DAAM2: variants seen among roughly 807,000 people sequenced by gnomAD.
DAAM2 encodes the protein dishevelled associated activator of morphogenesis 2, also known as disheveled-associated activator of morphogenesis 2.
A neutral mutation model predicts 120.7 loss-of-function variants in DAAM2; 39 were observed. The observed-to-expected ratio is 0.32, with a 90% CI of 0.25 to 0.42. DAAM2 has a LOEUF of 0.42. DAAM2 is among the 10% of genes least tolerant of loss of function. The probability of loss-of-function intolerance (pLI) is 1.00; values close to 1 mark genes in which losing one functional copy is unlikely to be tolerated. For missense variants in DAAM2, 1,283 were observed against 1,401.7 expected, an observed-to-expected ratio of 0.92 and a Z score of 1.35; for synonymous variants, 488 against 524.9, an observed-to-expected ratio of 0.93 and a Z score of 0.96.
At chr6:39,794,945 A>G (rs975503706) in intron 1 of DAAM2, among the ~76,000 whole-genome samples, 1 of 152,188 alleles carries the variant, frequency 6.6e-6, no homozygotes, top group African/African-American at 2.4e-5. Flanking sequence ...CCCAGCATAC[A>G]ACTCCTCAGG....
intron 1 of DAAM2, among the ~76,000 whole-genome samples, chr6:39,827,030 C>G (rs9380899): frequency 0.56 from 85,198 of 152,022 alleles, 28,194 homozygotes; most frequent in Non-Finnish European, 0.73. Context: ...TGAATCTTGG[C>G]TAAGATTTTT....
intron 2 of DAAM2, among the ~76,000 whole-genome samples, chr6:39,857,518 A>G (rs1764054260): frequency 6.6e-6 from 1 of 152,192 alleles, no homozygotes; most frequent in South Asian, 2.1e-4. Flanking sequence ...TTTCCTCTGG[A>G]TGGGGCAAGT....
chr6:39,868,014 C>A, intron 6 of DAAM2, 171 bp downstream of exon 6: 1 of 638,482 alleles, frequency 1.6e-6, no homozygotes, highest in Non-Finnish European at 2.7e-6. Context: ...ACCTGGAAGG[C>A]TTGCATAAAA....
chr6:39,887,383 C>A (rs571772970), intron 15 of DAAM2, 103 bp from the exon 16 acceptor site: 50 of 754,742 alleles, frequency 6.6e-5, no homozygotes, highest in African/African-American at 4.4e-4. Context: ...TCCCCTCACA[C>A]CAGGAGCATT....
intron 1 of DAAM2, among the ~76,000 whole-genome samples, chr6:39,809,418 G>A (rs1463559583): frequency 2.6e-5 from 4 of 152,142 alleles, no homozygotes; most frequent in Non-Finnish European, 5.9e-5. Context: ...GCTGCTTATA[G>A]ACCTGGCTAT....
rs1219210918 is a variant in DAAM2 at position 39,901,364 on chromosome 6, T to C, written c.2874T>C (p.Phe958=). 1.9e-6 allele frequency: 3 copies of C among 1,613,946 alleles called. No individual in the cohort carries two copies. Among genetic ancestry groups the C allele is most frequent in the South Asian group, 1.1e-5 (1 of 91,078 alleles). ...GCAAGATGCAGCCAGACGAATTCTT[T>C]GGCATCTTTGATACCTTCTTGCAGG... ...HDSKMQPDEF[F]GIFDTFLQAF... The change falls in exon 24 of 25, where the codon TTT becomes TTC. Residue 958 remains phenylalanine, a synonymous_variant. Coordinates refer to ENST00000274867, the MANE Select transcript of DAAM2 (RefSeq NM_001201427.2). This position sits in a 1 kb window ranked among gnomAD's most constrained non-coding sequence, Gnocchi z 4.5.
chr6:39,843,249 G>C (rs1763422767), intron 1 of DAAM2, among the ~76,000 whole-genome samples: 1 of 152,148 alleles, frequency 6.6e-6, no homozygotes, highest in Non-Finnish European at 1.5e-5. Context: ...CTTGAGCAAT[G>C]GTGCATTTAA....
chr6:39,823,582 G>T (rs905091917), intron 1 of DAAM2, among the ~76,000 whole-genome samples: 3 of 152,150 alleles, frequency 2.0e-5, no homozygotes. Flanking sequence ...GGCCTCCCTG[G>T]AACACTGTGT....
intron 19 of DAAM2, among the ~76,000 whole-genome samples, chr6:39,892,017 T>C (rs1439136196): frequency 6.6e-6 from 1 of 152,160 alleles, no homozygotes; most frequent in African/African-American, 2.4e-5. Context: ...GTAGAAAAGA[T>C]AATAATAGCC....
chr6:39,859,503 T>A (rs1049159857), intron 2 of DAAM2, among the ~76,000 whole-genome samples: 1 of 152,196 alleles, frequency 6.6e-6, no homozygotes, highest in Non-Finnish European at 1.5e-5. Context: ...ATGGGTATTA[T>A]TTCAAATAAT....
chr6:39,837,177 C>T (rs1214536733), intron 1 of DAAM2, among the ~76,000 whole-genome samples: 5 of 152,114 alleles, frequency 3.3e-5, no homozygotes, highest in South Asian at 2.1e-4. Flanking sequence ...TGGTGACTCT[C>T]GAAGAAGTAT....
chr6:39,840,208 T>C (rs763726823), intron 1 of DAAM2, among the ~76,000 whole-genome samples: 2 of 151,868 alleles, frequency 1.3e-5, no homozygotes, highest in Admixed American at 6.6e-5. Flanking sequence ...GCCTGGGCAA[T>C]AGAGTGAGAC....
intron 1 of DAAM2, among the ~76,000 whole-genome samples, chr6:39,829,587 T>C (rs1279505563): frequency 2.0e-5 from 3 of 152,286 alleles, no homozygotes; most frequent in South Asian, 4.2e-4. Context: ...GCAATAGAAA[T>C]TTATGTTAAT....
chr6:39,859,684 G>A (rs1764136178), intron 2 of DAAM2, among the ~76,000 whole-genome samples: 1 of 152,096 alleles, frequency 6.6e-6, no homozygotes, highest in Non-Finnish European at 1.5e-5. Flanking sequence ...ATGTTTAAAT[G>A]ATTATATTTT....
chr6:39,822,515 C>T (rs1762524789), intron 1 of DAAM2: 1 of 152,146 alleles, frequency 6.6e-6, no homozygotes, highest in South Asian at 2.1e-4. Context: ...GAGATTAAAG[C>T]CATTTTTGAA....
At chr6:39,858,168 C>A (rs1440861245) in intron 2 of DAAM2, among the ~76,000 whole-genome samples, 2 of 152,026 alleles carry the variant, frequency 1.3e-5, no homozygotes, top group Non-Finnish European at 2.9e-5. Flanking sequence ...ACAATGAAGA[C>A]CAGAAGAACT....
intron 1 of DAAM2, among the ~76,000 whole-genome samples, chr6:39,806,907 C>T (rs1388166479): frequency 1.3e-5 from 2 of 150,840 alleles, no homozygotes; most frequent in African/African-American, 4.9e-5. Flanking sequence ...AAAATAACTC[C>T]TCTTCACTAA....
intron 1 of DAAM2, among the ~76,000 whole-genome samples, chr6:39,804,695 C>T (rs1469220139): frequency 6.6e-6 from 1 of 152,188 alleles, no homozygotes; most frequent in African/African-American, 2.4e-5. Flanking sequence ...GCTGCACCGC[C>T]ATAGATGAGC....
Position 39,873,319 on chromosome 6 carries a change from C to A in DAAM2, c.1126C>A (p.Leu376Met). The A allele has an allele frequency of 6.2e-7, 1 of 1,613,510 alleles. No homozygotes were observed. Among genetic ancestry groups the A allele is most frequent in the Non-Finnish European group, 8.5e-7 (1 of 1,179,636 alleles). Reference protein sequence around the residue: ...KLKYTEAYPCLLSVLHHCLQM... With the variant: ...KLKYTEAYPCMLSVLHHCLQM... ...GAAGTACACGGAGGCCTACCCCTGC[C>A]TGCTCTCTGTGCTGCACCACTGCCT... is the stretch of plus-strand genomic sequence containing the variant. Residue 376 changes from leucine (L) to methionine (M), a missense_variant, in exon 10 of 25, where the codon CTG becomes ATG. By Grantham distance (15) the Leu-to-Met change is conservative. Coordinates refer to ENST00000274867, the MANE Select transcript of DAAM2 (RefSeq NM_001201427.2).
Sources: gnomAD v4.1 joint callset for allele counts (sites outside exome capture counted in the v4.1 genomes callset) on GRCh38, gnomAD v4.1.1 for gene constraint, Gnocchi (gnomAD v3.1) non-coding constraint, MANE v1.5 for transcripts, NCBI Gene and HGNC (gene_info 2026-07-23, HGNC 2026-07-21) for gene names.